MED13L: variants seen among roughly 807,000 people sequenced by gnomAD.
MED13L encodes mediator complex subunit 13L, also known as mediator of RNA polymerase II transcription subunit 13-like.
Under a neutral mutation model 220.9 loss-of-function variants are expected in MED13L, and 7 were observed. The ratio of observed to expected loss-of-function variants is 0.03; its 90% CI spans 0.02 to 0.06. The LOEUF (loss-of-function observed/expected upper bound fraction) is 0.06, where lower values mean the gene tolerates loss of function less well. MED13L is among the 10% of genes least tolerant of loss of function. The probability of loss-of-function intolerance (pLI) is 1.00; values close to 1 mark genes in which losing one functional copy is unlikely to be tolerated. For missense variants in MED13L, 1,965 were observed against 2,760.5 expected (o/e 0.71, Z 6.46); for synonymous variants, 1,011 against 1,015.2 (o/e 1.00, Z 0.08).
At chr12:116,158,560 C>T (rs974239153) in intron 2 of MED13L, among the ~76,000 whole-genome samples, 3 of 151,954 alleles carry the variant, frequency 2.0e-5, no homozygotes, top group Non-Finnish European at 4.4e-5. Context: ...CTCTAAGAAT[C>T]TGAAAGAGAA....
intron 4 of MED13L, among the ~76,000 whole-genome samples, chr12:116,035,842 G>A (rs1881161964): frequency 3.9e-5 from 6 of 152,036 alleles, no homozygotes; most frequent in Non-Finnish European, 5.9e-5. Flanking sequence ...CTCCCAAAGT[G>A]CTGGGATTAC....
chr12:116,048,763 T>C (rs764813380), intron 4 of MED13L, among the ~76,000 whole-genome samples: 1 of 152,162 alleles, frequency 6.6e-6, no homozygotes, highest in African/African-American at 2.4e-5. Flanking sequence ...TACCTTTCAA[T>C]TGGAAAATGA....
chr12:116,045,718 G>A (rs929865018), intron 4 of MED13L, among the ~76,000 whole-genome samples: 4 of 151,924 alleles, frequency 2.6e-5, no homozygotes, highest in Admixed American at 2.0e-4. Context: ...ATTACCAAAC[G>A]GGATCCAGTT....
At chr12:115,963,601 C>G in intron 29 of MED13L, 82 bp from the exon 30 acceptor site, 1 of 1,021,242 alleles carries the variant, frequency 9.8e-7, no homozygotes, top group Non-Finnish European at 1.5e-6. Flanking sequence ...CTGCCAGAAG[C>G]AGATGCTCCC....
intron 2 of MED13L, among the ~76,000 whole-genome samples, chr12:116,126,692 G>A (rs1416801995): frequency 6.6e-6 from 1 of 152,176 alleles, no homozygotes; most frequent in African/African-American, 2.4e-5. Flanking sequence ...CTGAGCCACT[G>A]GGCAATGCTA....
chr12:116,031,036 T>C (rs1258523560), intron 4 of MED13L, among the ~76,000 whole-genome samples: 1 of 152,116 alleles, frequency 6.6e-6, no homozygotes, highest in Non-Finnish European at 1.5e-5. Context: ...TCTCAATACC[T>C]AGGAAAGAAG....
chr12:115,988,091 G>T (rs1260012330), intron 17 of MED13L, among the ~76,000 whole-genome samples: 8 of 152,220 alleles, frequency 5.3e-5, no homozygotes, highest in Admixed American at 2.6e-4. Flanking sequence ...AATCTGCACA[G>T]CTGGATTCCT....
chr12:116,020,145 TG>T (rs2137436470), intron 5 of MED13L, among the ~76,000 whole-genome samples, 173 bp from the exon 6 acceptor site: 1 of 152,352 alleles, frequency 6.6e-6, no homozygotes, highest in East Asian at 1.9e-4. Flanking sequence ...AAATTATTTT[TG>T]TAGAGACTGG....
intron 4 of MED13L, among the ~76,000 whole-genome samples, chr12:116,062,045 G>A (rs908556607): frequency 6.7e-6 from 1 of 148,702 alleles, no homozygotes. Context: ...AATTCTATCC[G>A]AAATCCAAAT....
chr12:116,265,228 G>T (rs1057373320), intron 1 of MED13L, among the ~76,000 whole-genome samples: 1 of 152,160 alleles, frequency 6.6e-6, no homozygotes, highest in Non-Finnish European at 1.5e-5. Context: ...CTTTAAGTCA[G>T]AGAAAGCAAA....
intron 2 of MED13L, among the ~76,000 whole-genome samples, chr12:116,200,329 A>G (rs1264936865): frequency 2.6e-5 from 4 of 152,166 alleles, no homozygotes; most frequent in African/African-American, 9.7e-5. Flanking sequence ...TTAACAATCT[A>G]GTGTACTATA....
At position 116,158,499 on chromosome 12, in the gene MED13L, T is replaced by C. The variant is rs188401502; in HGVS notation, c.311-46987A>G. Among the ~76,000 whole-genome samples, 5 of 152,302 alleles carry C rather than the reference T, an allele frequency of 3.3e-5. No homozygotes were observed. In the East Asian group the frequency reaches 5.8e-4, roughly 18 times the overall value. The stretch of plus-strand genomic sequence containing the variant: ...TATATGTCTACGTCTGTAGAACTAA[T>C]TGGCAAAGATAAGTCCGATTTGGTG... On this transcript the variant is annotated intron_variant, in intron 2 of 30. Transcript: ENST00000281928.
At chr12:116,017,553 T>C (rs999190255) in intron 7 of MED13L, among the ~76,000 whole-genome samples, 2 of 152,250 alleles carry the variant, frequency 1.3e-5, no homozygotes, top group African/African-American at 4.8e-5. Context: ...TATAGTTGAT[T>C]GATGATAAAT....
intron 2 of MED13L, among the ~76,000 whole-genome samples, chr12:116,181,776 A>G (rs1316236776): frequency 6.6e-6 from 1 of 152,142 alleles, no homozygotes; most frequent in Non-Finnish European, 1.5e-5. Flanking sequence ...AAGTCCTGGG[A>G]TTACAGGCGT....
At chr12:116,114,549 C>T (rs1434693820) in intron 2 of MED13L, among the ~76,000 whole-genome samples, 1 of 152,140 alleles carries the variant, frequency 6.6e-6, no homozygotes. Context: ...CTACAATTAA[C>T]ATCATACTTA....
intron 2 of MED13L, among the ~76,000 whole-genome samples, chr12:116,127,800 C>T (rs899402314): frequency 9.9e-5 from 15 of 152,182 alleles, no homozygotes; most frequent in African/African-American, 3.6e-4. Context: ...AACCTTAAGT[C>T]ACATCGTAGC....
chr12:116,014,143 C>T (rs1034695312), intron 8 of MED13L, among the ~76,000 whole-genome samples: 3 of 152,150 alleles, frequency 2.0e-5, no homozygotes, highest in African/African-American at 2.4e-5. Context: ...CTTCAATGGA[C>T]TATTCTAGAA....
intron 2 of MED13L, among the ~76,000 whole-genome samples, chr12:116,115,983 T>G (rs552013657): frequency 6.6e-6 from 1 of 152,196 alleles, no homozygotes; most frequent in Non-Finnish European, 1.5e-5. Flanking sequence ...AAACATACAT[T>G]TACCATACAA....
intron 1 of MED13L, among the ~76,000 whole-genome samples, chr12:116,266,847 G>A (rs949903051): frequency 1.3e-5 from 2 of 152,152 alleles, no homozygotes; most frequent in Non-Finnish European, 2.9e-5. Context: ...CTACAGATTC[G>A]TGGGAGGGCT....
Sources: allele counts gnomAD v4.1 joint callset (sites outside exome capture counted in the v4.1 genomes callset), GRCh38; gene constraint gnomAD v4.1.1; transcripts MANE v1.5; gene names NCBI Gene and HGNC (gene_info 2026-07-23, HGNC 2026-07-21).